VPS13D: variants seen among roughly 807,000 people sequenced by gnomAD.
VPS13D encodes the protein intermembrane lipid transfer protein VPS13D.
Under a neutral mutation model 461.9 loss-of-function variants are expected in VPS13D, and 187 were observed. The observed-to-expected ratio is 0.40, with a 90% CI of 0.36 to 0.46. The LOEUF is 0.46. Ranked by LOEUF, VPS13D falls within the 20% of genes least tolerant of loss-of-function variation. The pLI is 0.60. For missense variants in VPS13D, 4,711 were observed against 5,364.9 expected, an observed-to-expected ratio of 0.88 and a Z score of 3.81; for synonymous variants, 1,951 against 1,986.3, an observed-to-expected ratio of 0.98 and a Z score of 0.47.
rs536134615 is a variant in VPS13D, at chr1:12,259,326, T to A, written c.1110+1223T>A. ...CCCCAGCCTACTCTTTTTATTTTTT[T>A]TTTTTTTGAGACAGGATCTCCTTCT... On this transcript the variant is annotated intron_variant, in intron 10 of 69. Coordinates refer to ENST00000620676, the MANE Select transcript of VPS13D (RefSeq NM_015378.4). 3.7e-4 allele frequency among the ~76,000 whole-genome samples: 56 copies of A among 151,806 alleles called. 2 individuals carry two copies. Among genetic ancestry groups the A allele is most frequent in the South Asian group, 1.5e-3 (7 of 4,806 alleles).
intron 1 of VPS13D, among the ~76,000 whole-genome samples, chr1:12,233,396 G>A (rs1640046310): frequency 6.6e-6 from 1 of 152,122 alleles, no homozygotes. Context: ...GTTGACATTT[G>A]GGTTGGATAA....
chr1:12,340,777 T>G (rs1041765161), intron 40 of VPS13D, among the ~76,000 whole-genome samples: 2 of 152,192 alleles, frequency 1.3e-5, no homozygotes, highest in South Asian at 2.1e-4. Context: ...CCTCCCTTTT[T>G]TTTGTTGGTT....
intron 6 of VPS13D, among the ~76,000 whole-genome samples, chr1:12,252,551 C>T (rs184985481): frequency 2.7e-4 from 41 of 152,166 alleles, no homozygotes; most frequent in Non-Finnish European, 4.7e-4. Context: ...GCGGGCAGAT[C>T]GCCTGAGTTC....
intron 60 of VPS13D, among the ~76,000 whole-genome samples, chr1:12,394,967 A>G (rs1042101075): frequency 6.6e-6 from 1 of 152,152 alleles, no homozygotes; most frequent in East Asian, 1.9e-4. Context: ...TCTGTTCTCC[A>G]GATTTCTTTC....
chr1:12,377,665 C>G (rs1012510424), intron 55 of VPS13D, among the ~76,000 whole-genome samples: 7 of 151,450 alleles, frequency 4.6e-5, no homozygotes, highest in Non-Finnish European at 1.0e-4. Flanking sequence ...ACTAAAAATA[C>G]AAAAATCAGC....
At chr1:12,313,599 A>G (rs926744771) in intron 29 of VPS13D, among the ~76,000 whole-genome samples, 2 of 152,196 alleles carry the variant, frequency 1.3e-5, no homozygotes, top group African/African-American at 4.8e-5. Flanking sequence ...TGAAAAAACG[A>G]TGGTTCCAAA....
Position 12,362,838 on chromosome 1 carries a change from T to C in VPS13D, c.10260T>C (p.Phe3420=), listed in dbSNP as rs777576092. The change falls in exon 51 of 70, where the codon TTT becomes TTC. Residue 3420 remains phenylalanine, a synonymous_variant. Transcript: ENST00000620676. ...SHKLAFAQRE[F]ARGQGTANPE... ...AGCTTGCATTTGCACAGAGGGAATT[T>C]GCCAGGGGACAGGTGAGCAGTTTGC... 1 of 1,614,188 alleles carries C rather than the reference T, an allele frequency of 6.2e-7. No homozygotes were observed. Among genetic ancestry groups the C allele is most frequent in the African/African-American group, 1.3e-5 (1 of 75,070 alleles).
rs781633901 is a variant in VPS13D at position 12,319,501 on chromosome 1, G to A, written c.7419G>A (p.Thr2473=). The A allele has an allele frequency of 2.9e-5, 46 of 1,613,948 alleles. No homozygotes were observed. Among genetic ancestry groups the A allele is most frequent in the Non-Finnish European group, 3.6e-5 (42 of 1,179,962 alleles). The change falls in exon 32 of 70, where the codon ACG becomes ACA. Residue 2473 remains threonine, a synonymous_variant. Transcript: ENST00000620676. The part of the protein sequence containing the change: ...HLEVKVNVTG[T]EFVVIEDVSC... The stretch of plus-strand genomic sequence containing the variant: ...TGACGACGTTGTCCTTTCCAGGTAC[G>A]GAGTTTGTGGTCATTGAAGATGTGT...
Position 12,308,469 on chromosome 1 carries a change from C to G in VPS13D, c.6478C>G (p.Leu2160Val), listed in dbSNP as rs1194489601. The G allele has an allele frequency of 6.2e-7, 1 of 1,613,968 alleles. No individual in the cohort carries two copies. The highest frequency in any genetic ancestry group is 8.5e-7 in the Non-Finnish European group (1 of 1,180,030). The change falls in exon 27 of 70, where the codon CTC (leucine) becomes GTC (valine). Residue 2160 changes from leucine to valine, a missense_variant. Transcript: ENST00000620676. ...VCLLDCVVVD[L>V]QDMDIFAAER... ...CCTGCTGGATTGCGTTGTCGTGGAT[C>G]TCCAGGACATGGACATCTTTGCTGC... is the stretch of plus-strand genomic sequence containing the variant.
intron 18 of VPS13D, among the ~76,000 whole-genome samples, chr1:12,274,036 A>C (rs1641534121): frequency 6.6e-6 from 1 of 151,976 alleles, no homozygotes; most frequent in Admixed American, 6.6e-5. Flanking sequence ...AGGAAGTACC[A>C]AATTGTTTTT....
intron 65 of VPS13D, among the ~76,000 whole-genome samples, chr1:12,449,981 C>T (rs1245846949): frequency 6.6e-6 from 1 of 151,970 alleles, no homozygotes; most frequent in African/African-American, 2.4e-5. Context: ...AAAAATTAGC[C>T]AGGCGTGGTG....
rs548615574 is a variant in VPS13D, at chr1:12,355,961, T to C, written c.9742T>C (p.Tyr3248His). 5 of 1,613,802 alleles carry C rather than the reference T, an allele frequency of 3.1e-6. No homozygotes were observed. In the African/African-American group the frequency reaches 6.7e-5, roughly 22 times the overall value. Residue 3248 changes from tyrosine (Y) to histidine (H), a missense_variant, in exon 48 of 70, where the codon TAT becomes CAT. Coordinates refer to ENST00000620676, the MANE Select transcript of VPS13D (RefSeq NM_015378.4). ...GCTCATTCCACCTGGAACCCAAAAC[T>C]ATATGGTGAGAATGCGACTCTATGA... ...ELLIPPGTQNYMVRMRLYDVN... is the reference protein window; with the variant it reads ...ELLIPPGTQNHMVRMRLYDVN...
intron 44 of VPS13D, among the ~76,000 whole-genome samples, chr1:12,347,755 T>C (rs1643707276): frequency 1.3e-5 from 2 of 152,222 alleles, no homozygotes; most frequent in Admixed American, 6.5e-5. Flanking sequence ...GTTTCTCCAG[T>C]AAAAAGCATT....
At chr1:12,237,077 GTGTA>G (rs956321637) in intron 2 of VPS13D, among the ~76,000 whole-genome samples, 15 of 151,472 alleles carry the variant, frequency 9.9e-5, no homozygotes, top group Non-Finnish European at 2.2e-4. Context: ...ATATATATCT[GTGTA>G]TGTATATATA....
chr1:12,329,099 A>G (rs1325529241), intron 36 of VPS13D, among the ~76,000 whole-genome samples: 1 of 152,046 alleles, frequency 6.6e-6, no homozygotes, highest in East Asian at 1.9e-4. Flanking sequence ...TAATTAGTTG[A>G]TTTCTTATTT....
intron 13 of VPS13D, among the ~76,000 whole-genome samples, chr1:12,264,517 A>G (rs539841722): frequency 6.6e-6 from 1 of 152,240 alleles, no homozygotes; most frequent in Non-Finnish European, 1.5e-5. Flanking sequence ...TTACTGCTGC[A>G]ATGGAGAAAG....
intron 29 of VPS13D, among the ~76,000 whole-genome samples, chr1:12,312,731 C>T (rs1642789299): frequency 6.6e-6 from 1 of 152,166 alleles, no homozygotes; most frequent in Admixed American, 6.5e-5. Context: ...TGCACTCCAG[C>T]CTAGGTGACA....
Position 12,288,323 on chromosome 1 carries a change from G to A in VPS13D, c.5725+10G>A, listed in dbSNP as rs114753093. On this transcript the variant is annotated intron_variant, in intron 22 of 69. Transcript: ENST00000620676. The stretch of plus-strand genomic sequence containing the variant: ...CACCTGGAAATGATTGGTAAGTGGT[G>A]GGGGGTGGAGGGAAGCAAACTTGCA... The A allele has an allele frequency of 3.7e-6, 6 of 1,611,294 alleles. No individual in the cohort carries two copies. Among genetic ancestry groups the A allele is most frequent in the African/African-American group, 1.3e-5 (1 of 74,854 alleles).
chr1:12,503,184 C>T (rs7546762), intron 68 of VPS13D, among the ~76,000 whole-genome samples: 4,335 of 152,236 alleles, frequency 0.028, 72 homozygotes, highest in Middle Eastern at 0.065. Context: ...GGCACTGGCT[C>T]CTGGCAGATT....
Sources: gnomAD v4.1 joint callset for allele counts (sites outside exome capture counted in the v4.1 genomes callset) on GRCh38, gnomAD v4.1.1 for gene constraint, MANE v1.5 for transcripts, NCBI Gene and HGNC (gene_info 2026-07-23, HGNC 2026-07-21) for gene names.